The following RARB variants were observed in gnomAD, a reference collection of about 807,000 sequenced individuals.
RARB encodes the protein retinoic acid receptor beta.
In RARB, 17 loss-of-function variants were observed where a neutral mutation model predicts 51.9. That is an observed-to-expected ratio of 0.33 (90% confidence interval 0.22 to 0.49). The LOEUF is 0.49. RARB is among the 20% of genes least tolerant of loss of function. The probability of loss-of-function intolerance (pLI) is 0.99; values close to 1 mark genes in which losing one functional copy is unlikely to be tolerated. For missense variants in RARB, 369 were observed against 550.8 expected (o/e 0.67, Z 3.30); for synonymous variants, 215 against 195.4 (o/e 1.10, Z -0.84).
chr3:25,106,463 T>TTTG (rs1699505181), intron 3 of RARB, among the ~76,000 whole-genome samples: 1 of 125,482 alleles, frequency 8.0e-6, no homozygotes, highest in Non-Finnish European at 1.6e-5. Flanking sequence ...TTTTTGTTTT[T>TTTG]TTTTGTTTTG....
chr3:25,559,058 G>A (rs1339724181), intron 3 of RARB, among the ~76,000 whole-genome samples: 2 of 152,050 alleles, frequency 1.3e-5, no homozygotes, highest in Admixed American at 1.3e-4. Context: ...CATCCAGAAT[G>A]TTTTTTCCTC....
chr3:25,362,100 G>T (rs1322745779), intron 5 of RARB, among the ~76,000 whole-genome samples: 1 of 152,174 alleles, frequency 6.6e-6, no homozygotes, highest in Non-Finnish European at 1.5e-5. Context: ...TCCTCTAGGT[G>T]CTGTGTCCCA....
rs565788947 is a variant in RARB, at chr3:25,477,064, A to C, written c.306+15723A>C. Among the ~76,000 whole-genome samples, 3 of 152,356 alleles carry C rather than the reference A, an allele frequency of 2.0e-5. No homozygotes were observed. In the East Asian group the frequency reaches 5.8e-4, roughly 29 times the overall value. On this transcript the variant is annotated intron_variant, in intron 2 of 7. Coordinates refer to ENST00000330688, the MANE Select transcript of RARB (RefSeq NM_000965.5). ...ATTAGAGCACATTTGTACTAGATCC[A>C]AGTTATCACAGGACAATAGCTATGG... is the stretch of plus-strand genomic sequence containing the variant.
chr3:24,884,727 G>A (rs1461622776), intron 2 of RARB, among the ~76,000 whole-genome samples: 1 of 152,040 alleles, frequency 6.6e-6, no homozygotes, highest in Non-Finnish European at 1.5e-5. Context: ...ACCATTGAGT[G>A]GAATCTCATG....
intron 4 of RARB, among the ~76,000 whole-genome samples, chr3:25,572,927 C>T (rs1307604048): frequency 2.6e-5 from 4 of 152,256 alleles, no homozygotes; most frequent in South Asian, 2.1e-4. Flanking sequence ...ACAAACACAA[C>T]GTACAGCATT....
intron 2 of RARB, among the ~76,000 whole-genome samples, chr3:25,480,866 G>A (rs1017986402): frequency 6.6e-6 from 1 of 152,248 alleles, no homozygotes; most frequent in African/African-American, 2.4e-5. Flanking sequence ...TGGAGTACAA[G>A]CTTATAATGA....
At chr3:25,261,897 C>G (rs1283735759) in intron 5 of RARB, among the ~76,000 whole-genome samples, 1 of 152,114 alleles carries the variant, frequency 6.6e-6, no homozygotes, top group African/African-American at 2.4e-5. Flanking sequence ...CTAATTCAAT[C>G]TCCACCATCT....
intron 3 of RARB, among the ~76,000 whole-genome samples, chr3:25,096,972 C>G (rs553957216): frequency 3.3e-4 from 50 of 152,262 alleles, no homozygotes; most frequent in African/African-American, 1.2e-3. Flanking sequence ...TAAGAAGGTA[C>G]AAACCTTTTT....
chr3:25,114,094 C>T (rs1416753000), intron 3 of RARB, among the ~76,000 whole-genome samples: 1 of 152,180 alleles, frequency 6.6e-6, no homozygotes, highest in Non-Finnish European at 1.5e-5. Context: ...AAGAATGCAA[C>T]TTGCATCATC....
At chr3:25,162,190 A>C (rs191099647) in intron 4 of RARB, among the ~76,000 whole-genome samples, 1 of 152,238 alleles carries the variant, frequency 6.6e-6, no homozygotes, top group East Asian at 1.9e-4. Context: ...TGCAGCCTCA[A>C]CCTCCTGGGG....
At chr3:25,160,025 A>AG (rs1247663066) in intron 4 of RARB, among the ~76,000 whole-genome samples, 11 of 152,338 alleles carry the variant, frequency 7.2e-5, no homozygotes, top group African/African-American at 2.4e-4. Context: ...CGTTTAAAAA[A>AG]CAAAACACTG....
intron 2 of RARB, among the ~76,000 whole-genome samples, chr3:24,865,471 A>T (rs900938181): frequency 6.6e-6 from 1 of 152,086 alleles, no homozygotes; most frequent in African/African-American, 2.4e-5. Context: ...CATTTTCCAG[A>T]TGAGCAAATC....
chr3:25,196,420 A>G (rs927862697), intron 5 of RARB, among the ~76,000 whole-genome samples: 1 of 152,130 alleles, frequency 6.6e-6, no homozygotes, highest in Non-Finnish European at 1.5e-5. Context: ...TTATGGCTGC[A>G]TAGTATTCCA....
At chr3:25,568,248 G>A (rs533533165) in intron 3 of RARB, among the ~76,000 whole-genome samples, 33 of 152,324 alleles carry the variant, frequency 2.2e-4, no homozygotes, top group African/African-American at 7.7e-4. Flanking sequence ...GAATAAGTAA[G>A]TGAGTCCAAG....
intron 5 of RARB, among the ~76,000 whole-genome samples, chr3:25,268,657 G>A (rs1044645960): frequency 1.3e-5 from 2 of 152,114 alleles, no homozygotes; most frequent in African/African-American, 2.4e-5. Context: ...CAGCACCTTT[G>A]CACTGGTTGT....
chr3:25,451,108 CA>C (rs886298697), intron 1 of RARB, among the ~76,000 whole-genome samples: 44 of 151,478 alleles, frequency 2.9e-4, no homozygotes, highest in African/African-American at 1.0e-3. Flanking sequence ...AGAAAAAAAA[CA>C]AAAAAAACCC....
chr3:25,320,112 C>A (rs531958566), intron 5 of RARB, among the ~76,000 whole-genome samples: 3 of 150,882 alleles, frequency 2.0e-5, no homozygotes, highest in African/African-American at 7.3e-5. Flanking sequence ...TGCTAAGGAA[C>A]CTCTGACCCC....
At chr3:25,586,601 C>G (rs934468915) in intron 5 of RARB, among the ~76,000 whole-genome samples, 3 of 152,218 alleles carry the variant, frequency 2.0e-5, no homozygotes, top group Non-Finnish European at 4.4e-5. Flanking sequence ...CCTTACTGCC[C>G]CCAAGGAAAA....
chr3:25,351,456 C>G (rs1318837038), intron 5 of RARB, among the ~76,000 whole-genome samples: 1 of 152,050 alleles, frequency 6.6e-6, no homozygotes, highest in Non-Finnish European at 1.5e-5. Flanking sequence ...GTGCTTGCAT[C>G]TCATTTGGTT....
Sources: gnomAD v4.1 joint callset for allele counts (sites outside exome capture counted in the v4.1 genomes callset) on GRCh38, gnomAD v4.1.1 for gene constraint, MANE v1.5 for transcripts, NCBI Gene and HGNC (gene_info 2026-07-23, HGNC 2026-07-21) for gene names.